NXT2: variants seen among roughly 807,000 people sequenced by gnomAD.
NXT2 encodes the protein nuclear transport factor 2 like export factor 2.
Under a neutral mutation model 9.6 loss-of-function variants are expected in NXT2, and 1 was observed. The observed-to-expected ratio is 0.10, with a 90% confidence interval of 0.04 to 0.49. The LOEUF (loss-of-function observed/expected upper bound fraction) is 0.49, where lower values mean the gene tolerates loss of function less well. Among genes scored for constraint, NXT2 ranks in the 20% least tolerant of loss-of-function variants. NXT2 has a pLI of 0.95. For synonymous variants in NXT2, 22 were observed against 35.4 expected (o/e 0.62, Z 1.34); for missense variants, 48 against 100.3 (o/e 0.48, Z 2.23).
rs748705342 is a variant in NXT2 at position 109,538,142 on chromosome X, T to C, written c.102+11T>C. The stretch of plus-strand genomic sequence containing the variant: ...GATAAAAGAAGACGGGTGAGTGTTA[T>C]AGACTCTACTACTCTTTATAGACTA... On this transcript the variant is annotated intron_variant, in intron 2 of 3. Coordinates refer to ENST00000372106, the MANE Select transcript of NXT2 (RefSeq NM_001242617.2). 2.6e-5 allele frequency: 26 copies of C among 1,005,203 alleles called. No homozygotes were observed. Among genetic ancestry groups the C allele is most frequent in the Non-Finnish European group, 3.5e-5 (25 of 711,049 alleles). The allele number at this position is 1,005,203 out of a possible 1,213,427, so 82.8% of individuals were successfully genotyped here.
intron 2 of NXT2, among the ~76,000 whole-genome samples, chrX:109,538,750 G>T (rs955666874): frequency 9.0e-6 from 1 of 111,256 alleles, no homozygotes; most frequent in Admixed American, 9.6e-5. Context: ...AGTGAGTCTT[G>T]CCTAGGTCTC....
Position 109,542,833 on chromosome X carries a change from G to A in NXT2, c.*145G>A. Reference sequence around the variant, plus strand: ...ATTCCTGTCAGCACCTTTTCTAGCAGCTGCCAGTTTGGAGCATTGCCCTCT... The same window carrying A: ...ATTCCTGTCAGCACCTTTTCTAGCAACTGCCAGTTTGGAGCATTGCCCTCT... On this transcript the variant is annotated 3_prime_UTR_variant, in exon 4 of 4. Transcript: ENST00000372106. 1 of 448,964 alleles carries A rather than the reference G, an allele frequency of 2.2e-6. No individual in the cohort carries two copies. The highest frequency in any genetic ancestry group is 5.6e-5 in the South Asian group (1 of 17,954). 37.0% of individuals were successfully genotyped at this position (448,964 alleles called of 1,213,427 possible). A position where few individuals can be genotyped will look rare whatever the true frequency, so the allele number is the denominator to read the frequency against.
chrX:109,538,797 T>G (rs1933346898), intron 2 of NXT2, among the ~76,000 whole-genome samples: 2 of 111,605 alleles, frequency 1.8e-5, no homozygotes, highest in Admixed American at 9.5e-5. Context: ...GAACTACTTC[T>G]GTCCTGCAGC....
rs893832216 is a variant in NXT2, at chrX:109,542,718, A to C, written c.*30A>C. On this transcript the variant is annotated 3_prime_UTR_variant, in exon 4 of 4. Transcript: ENST00000372106. ...GCAAAAGTCCATTCTCATTTGGTCC[A>C]TTAGTTCCAGCAATTGAAATTTATG... 1 of 1,020,012 alleles carries C rather than the reference A, an allele frequency of 9.8e-7. No individual in the cohort carries two copies. The highest frequency in any genetic ancestry group is 1.3e-6 in the Non-Finnish European group (1 of 759,047). The allele number at this position is 1,020,012 out of a possible 1,213,427, so 84.1% of individuals were successfully genotyped here.
chrX:109,541,034 T>C (rs1230954248), intron 2 of NXT2, among the ~76,000 whole-genome samples: 1 of 112,119 alleles, frequency 8.9e-6, no homozygotes, highest in Non-Finnish European at 1.9e-5. Flanking sequence ...GTTTCATATA[T>C]ATATATAGCC....
In NXT2 at chrX:109,543,680, A is replaced by G. The variant is rs887910547; in HGVS notation, c.*992A>G. ...ACCAATGTATATCTCCATTTATTCA[A>G]TAACTTACTGGGGTAAAATAACAGC... On this transcript the variant is annotated 3_prime_UTR_variant, in exon 4 of 4. Transcript: ENST00000372106. 2 of 112,021 alleles carry G rather than the reference A, an allele frequency of 1.8e-5. No individual in the cohort carries two copies. The highest frequency in any genetic ancestry group is 3.2e-5 in the African/African-American group (1 of 30,814). The allele number at this position is 112,021 out of a possible 1,213,427, so 9.2% of individuals were successfully genotyped here. A position where few individuals can be genotyped will look rare whatever the true frequency, so the allele number is the denominator to read the frequency against.
At position 109,541,369 on chromosome X, in the gene NXT2, T is replaced by A. The variant is rs368243363; in HGVS notation, c.103-106T>A. ...AGGGGAGTGGAGATGAAGGTAGAAC[T>A]ACAAAAAATGTTTATATACCATCTG... On this transcript the variant is annotated intron_variant, in intron 2 of 3. Coordinates refer to ENST00000372106, the MANE Select transcript of NXT2 (RefSeq NM_001242617.2). 28 of 711,603 alleles carry A rather than the reference T, an allele frequency of 3.9e-5. No homozygotes were observed. In the East Asian group the frequency reaches 7.5e-4, roughly 19 times the overall value. 58.6% of individuals were successfully genotyped at this position (711,603 alleles called of 1,213,427 possible).
chrX:109,537,989 T>G, intron 1 of NXT2, 56 bp from the exon 2 acceptor site: 1 of 734,515 alleles, frequency 1.4e-6, no homozygotes, highest in South Asian at 2.3e-5. Context: ...AGTGGTTTTG[T>G]GTTTGTGAGG....
At chrX:109,542,379 C>G (rs770202976) in intron 3 of NXT2, 128 bp from the exon 4 acceptor site, 36 of 472,892 alleles carry the variant, frequency 7.6e-5, no homozygotes, top group Middle Eastern at 6.3e-4. Flanking sequence ...AGATTATGCT[C>G]AAGGGACAGA....
intron 2 of NXT2, among the ~76,000 whole-genome samples, chrX:109,540,202 T>C (rs972618735): frequency 8.9e-6 from 1 of 111,804 alleles, no homozygotes; most frequent in African/African-American, 3.3e-5. Context: ...TGACAATGGA[T>C]GTTTATTGTG....
intron 2 of NXT2, 112 bp from the exon 3 acceptor site, chrX:109,541,363 T>C (rs1933414420): frequency 3.1e-6 from 2 of 635,998 alleles, no homozygotes; most frequent in Non-Finnish European, 4.7e-6. Context: ...GAGATGAAGG[T>C]AGAACTACAA....
At position 109,544,007 on chromosome X, in the gene NXT2, T is replaced by C. The variant is rs939357843; in HGVS notation, c.*1319T>C. On this transcript the variant is annotated 3_prime_UTR_variant, in exon 4 of 4. Coordinates refer to ENST00000372106, the MANE Select transcript of NXT2 (RefSeq NM_001242617.2). ...GTTCCCGCTATGTGGATAACTCTTCTTTTTAAAAAGAAAATAGAGAATAGC... is the reference window on the plus strand; with the variant it reads ...GTTCCCGCTATGTGGATAACTCTTCCTTTTAAAAAGAAAATAGAGAATAGC... The C allele has an allele frequency of 2.9e-4, 33 of 112,925 alleles. No individual in the cohort carries two copies. The highest frequency in any genetic ancestry group is 1.0e-3 in the African/African-American group (32 of 31,065). The allele number at this position is 112,925 out of a possible 1,213,427, so 9.3% of individuals were successfully genotyped here.
Position 109,544,128 on chromosome X carries a change from T to G in NXT2, c.*1440T>G, listed in dbSNP as rs923262525. On this transcript the variant is annotated 3_prime_UTR_variant, in exon 4 of 4. Coordinates refer to ENST00000372106, the MANE Select transcript of NXT2 (RefSeq NM_001242617.2). Reference sequence around the variant, plus strand: ...CTAGGTTCAGCTTTTGCTTAAACATTAAATATCTTTTCCATTTTTTAATGT... The same window carrying G: ...CTAGGTTCAGCTTTTGCTTAAACATGAAATATCTTTTCCATTTTTTAATGT... 8.9e-6 allele frequency: 1 copy of G among 112,770 alleles called. No individual in the cohort carries two copies. The highest frequency in any genetic ancestry group is 1.9e-5 in the Non-Finnish European group (1 of 53,134). 9.3% of individuals were successfully genotyped at this position (112,770 alleles called of 1,213,427 possible). A position where few individuals can be genotyped will look rare whatever the true frequency, so the allele number is the denominator to read the frequency against.
intron 2 of NXT2, among the ~76,000 whole-genome samples, chrX:109,538,658 A>G (rs777657468): frequency 2.5e-4 from 28 of 110,736 alleles, no homozygotes; most frequent in Non-Finnish European, 3.6e-4. Context: ...TAAGTCCTCA[A>G]CAGACCGAGA....
At chrX:109,539,510 T>G (rs758585229) in intron 2 of NXT2, among the ~76,000 whole-genome samples, 1 of 109,138 alleles carries the variant, frequency 9.2e-6, no homozygotes, top group East Asian at 2.9e-4. Context: ...AGCATTCCTA[T>G]TTCTCCACAT....
chrX:109,540,051 C>T (rs1335643572), intron 2 of NXT2, among the ~76,000 whole-genome samples: 1 of 111,742 alleles, frequency 8.9e-6, no homozygotes, highest in Non-Finnish European at 1.9e-5. Flanking sequence ...CTGCATATGA[C>T]TAGCCAGTTT....
At chrX:109,540,837 AGCTACTTGGGAG>A (rs758928126) in intron 2 of NXT2, among the ~76,000 whole-genome samples, 2 of 111,719 alleles carry the variant, frequency 1.8e-5, no homozygotes, top group African/African-American at 3.3e-5. Context: ...CTGTAACCCC[AGCTACTTGGGAG>A]GCTGAGGCAA....
intron 1 of NXT2, chrX:109,537,360 T>A: frequency 1.2e-6 from 1 of 846,666 alleles, no homozygotes; most frequent in Non-Finnish European, 1.4e-6. Flanking sequence ...AACTGGCGAT[T>A]CATTGTTCTT....
rs970603578 is a variant in NXT2 at position 109,543,967 on chromosome X, T to A, written c.*1279T>A. 2 of 112,680 alleles carry A rather than the reference T, an allele frequency of 1.8e-5. No homozygotes were observed. Among genetic ancestry groups the A allele is most frequent in the Non-Finnish European group, 3.8e-5 (2 of 53,171 alleles). 9.3% of individuals were successfully genotyped at this position (112,680 alleles called of 1,213,427 possible). ...TTCCATATGACATTGAGCAAATAGA[T>A]CTGTTTCAAAATATGTTCCCGCTAT... On this transcript the variant is annotated 3_prime_UTR_variant, in exon 4 of 4. Coordinates refer to ENST00000372106, the MANE Select transcript of NXT2 (RefSeq NM_001242617.2).
Sources: gnomAD v4.1 joint callset for allele counts (sites outside exome capture counted in the v4.1 genomes callset) on GRCh38, gnomAD v4.1.1 for gene constraint, MANE v1.5 for transcripts, NCBI Gene and HGNC (gene_info 2026-07-23, HGNC 2026-07-21) for gene names.